Variants in EFL1 observed in about 807,000 individuals in gnomAD.
EFL1 encodes the protein elongation factor-like GTPase 1.
In EFL1, 76 loss-of-function variants were observed where a neutral mutation model predicts 126.7. The observed-to-expected ratio is 0.60, with a 90% CI of 0.50 to 0.73. The LOEUF is 0.73. Ranked by LOEUF, EFL1 falls within the 30% of genes least tolerant of loss-of-function variation. EFL1 has a pLI of 0.00. For missense variants in EFL1, 1,128 were observed against 1,343.2 expected (o/e 0.84, Z 2.50); for synonymous variants, 410 against 448.4 (o/e 0.91, Z 1.08).
At chr15:82,133,886 C>A (rs984961119) in intron 19 of EFL1, among the ~76,000 whole-genome samples, 3 of 152,132 alleles carry the variant, frequency 2.0e-5, no homozygotes, top group Non-Finnish European at 2.9e-5. Flanking sequence ...TGTGTGGAAT[C>A]AAACCCAGAG....
chr15:82,257,363 A>G (rs2075075396), intron 3 of EFL1, among the ~76,000 whole-genome samples: 1 of 152,004 alleles, frequency 6.6e-6, no homozygotes, highest in Non-Finnish European at 1.5e-5. Flanking sequence ...GTGTTTTGTC[A>G]GTTGTGTTAC....
At chr15:82,132,258 A>G (rs1282544890) in intron 19 of EFL1, among the ~76,000 whole-genome samples, 1 of 152,212 alleles carries the variant, frequency 6.6e-6, no homozygotes, top group Non-Finnish European at 1.5e-5. Flanking sequence ...ATCAGAGAGA[A>G]AAGCCAGATC....
At chr15:82,133,037 A>G (rs2141206815) in intron 19 of EFL1, among the ~76,000 whole-genome samples, 1 of 152,224 alleles carries the variant, frequency 6.6e-6, no homozygotes, top group Non-Finnish European at 1.5e-5. Flanking sequence ...GACTGGTCAA[A>G]AGCCACCCAC....
At chr15:82,227,369 G>A (rs987753190) in intron 11 of EFL1, 81 bp downstream of exon 11, 77 of 1,602,566 alleles carry the variant, frequency 4.8e-5, no homozygotes, top group African/African-American at 8.0e-5. Context: ...GCAAACTAGC[G>A]TTCAGCAAAC....
intron 15 of EFL1, among the ~76,000 whole-genome samples, chr15:82,172,004 C>T (rs2074141165): frequency 6.7e-6 from 1 of 149,974 alleles, no homozygotes; most frequent in South Asian, 2.1e-4. Context: ...AAAGGCAACC[C>T]AATAGGAATC....
intron 12 of EFL1, among the ~76,000 whole-genome samples, chr15:82,222,736 T>G (rs2074724863): frequency 6.6e-6 from 1 of 152,076 alleles, no homozygotes; most frequent in Non-Finnish European, 1.5e-5. Context: ...ACAAAGAAAT[T>G]TAATTACAAG....
At chr15:82,257,682 T>C (rs1053747518) in intron 3 of EFL1, among the ~76,000 whole-genome samples, 6 of 152,184 alleles carry the variant, frequency 3.9e-5, no homozygotes, top group Non-Finnish European at 8.8e-5. Context: ...ATTATATCTA[T>C]CTTGTATTAG....
At chr15:82,248,205 T>C (rs1363241086) in intron 4 of EFL1, among the ~76,000 whole-genome samples, 1 of 152,114 alleles carries the variant, frequency 6.6e-6, no homozygotes, top group East Asian at 1.9e-4. Flanking sequence ...TTCTTAGGCC[T>C]GGCATCAACT....
At chr15:82,229,924 A>T (rs1293708379) in intron 8 of EFL1, among the ~76,000 whole-genome samples, 1 of 152,246 alleles carries the variant, frequency 6.6e-6, no homozygotes, top group Non-Finnish European at 1.5e-5. Flanking sequence ...TCTCAATTTT[A>T]CAGATGAAAT....
chr15:82,227,491 G>C lies in EFL1; in HGVS notation c.1151C>G (p.Thr384Ser), dbSNP rs767720470. 7.4e-6 allele frequency: 12 copies of C among 1,614,138 alleles called. No individual in the cohort carries two copies. The highest frequency in any genetic ancestry group is 9.3e-6 in the Non-Finnish European group (11 of 1,179,992). Residue 384 changes from threonine (T) to serine (S), a missense_variant, in exon 11 of 20, where the codon ACT becomes AGT. Around this residue, in one of 6 missense-constraint regions of EFL1, gnomAD observed 316 missense variants for 318.5 expected, o/e 0.99. Transcript: ENST00000268206. The stretch of plus-strand genomic sequence containing the variant: ...AGTTTCTGGTGGAAAAGAGTCAAAA[G>C]TTTGTGATCCTGTGCACATCAGTCT... ...VERLMCTGSQTFDSFPPETQA... is the reference protein window; with the variant it reads ...VERLMCTGSQSFDSFPPETQA...
At chr15:82,232,904 G>T (rs1172276230) in intron 7 of EFL1, among the ~76,000 whole-genome samples, 1 of 151,564 alleles carries the variant, frequency 6.6e-6, no homozygotes, top group African/African-American at 2.4e-5. Context: ...ATTCTTCCAG[G>T]ATTTTTTTTT....
intron 19 of EFL1, among the ~76,000 whole-genome samples, chr15:82,133,662 T>A (rs1028089950): frequency 2.0e-5 from 3 of 152,250 alleles, no homozygotes; most frequent in Non-Finnish European, 2.9e-5. Context: ...GTAATTTTTT[T>A]AACAAATTCT....
At chr15:82,254,873 C>T (rs2075053888) in intron 3 of EFL1, among the ~76,000 whole-genome samples, 1 of 152,188 alleles carries the variant, frequency 6.6e-6, no homozygotes, top group African/African-American at 2.4e-5. Flanking sequence ...AGGATGGGAT[C>T]TTTATTTAAA....
At chr15:82,172,546 T>A (rs1285765541) in intron 15 of EFL1, among the ~76,000 whole-genome samples, 2 of 152,184 alleles carry the variant, frequency 1.3e-5, no homozygotes, top group African/African-American at 4.8e-5. Flanking sequence ...AATATTCTGC[T>A]GGACAAACCT....
chr15:82,161,846 T>G (rs1042802389), intron 16 of EFL1, among the ~76,000 whole-genome samples: 1 of 152,220 alleles, frequency 6.6e-6, no homozygotes, highest in African/African-American at 2.4e-5. Context: ...ACTAGAATCC[T>G]TCATCTCATG....
Position 82,243,733 on chromosome 15 carries a change from A to G in EFL1, c.245-2330T>C, listed in dbSNP as rs2074946086. 2.7e-5 allele frequency among the ~76,000 whole-genome samples: 4 copies of G among 146,240 alleles called. No homozygotes were observed. In the South Asian group the frequency reaches 9.1e-4, roughly 33 times the overall value. ...TACAGACCTTTTAGGGAATAGTCAG[A>G]AAAACGAATACCTATCTACTTATCT... is the stretch of plus-strand genomic sequence containing the variant. On this transcript the variant is annotated intron_variant, in intron 4 of 19. Coordinates refer to ENST00000268206, the MANE Select transcript of EFL1 (RefSeq NM_024580.6).
At chr15:82,174,905 G>T (rs978663745) in intron 15 of EFL1, among the ~76,000 whole-genome samples, 30 of 152,236 alleles carry the variant, frequency 2.0e-4, no homozygotes, top group African/African-American at 7.2e-4. Flanking sequence ...GGAGGGTCCT[G>T]TAGAATCTTA....
At chr15:82,216,816 AATG>A (rs1428790893) in intron 14 of EFL1, among the ~76,000 whole-genome samples, 4 of 152,158 alleles carry the variant, frequency 2.6e-5, no homozygotes, top group Non-Finnish European at 5.9e-5. Flanking sequence ...CCCATAAAAT[AATG>A]ATAATTCGAG....
chr15:82,145,791 G>A (rs1260220029), intron 18 of EFL1, among the ~76,000 whole-genome samples: 2 of 149,958 alleles, frequency 1.3e-5, no homozygotes, highest in African/African-American at 4.9e-5. Context: ...AGCCAAGATC[G>A]TGCCATTGCT....
Sources: gnomAD v4.1 joint callset for allele counts (sites outside exome capture counted in the v4.1 genomes callset) on GRCh38, gnomAD v4.1.1 for gene constraint, gnomAD v4.1.1 regional missense constraint, MANE v1.5 for transcripts, NCBI Gene and HGNC (gene_info 2026-07-23, HGNC 2026-07-21) for gene names.